The following PPM1L variants were observed in gnomAD, a reference collection of about 807,000 sequenced individuals.
PPM1L encodes the protein protein phosphatase 1L.
In PPM1L, 13 loss-of-function variants were observed where a neutral mutation model predicts 31.4. The ratio of observed to expected loss-of-function variants is 0.41; its 90% CI spans 0.27 to 0.66. PPM1L has a LOEUF of 0.66. PPM1L is among the 30% of genes least tolerant of loss of function. PPM1L has a pLI of 0.29. For synonymous variants in PPM1L, 184 were observed against 175.4 expected, an observed-to-expected ratio of 1.05 and a Z score of -0.39; for missense variants, 326 against 453.7, an observed-to-expected ratio of 0.72 and a Z score of 2.56.
At chr3:160,895,729 C>G (rs1205923646) in intron 1 of PPM1L, among the ~76,000 whole-genome samples, 1 of 151,970 alleles carries the variant, frequency 6.6e-6, no homozygotes, top group African/African-American at 2.4e-5. Context: ...CACCTCAAAC[C>G]CCCAATATCT....
intron 2 of PPM1L, among the ~76,000 whole-genome samples, chr3:161,046,110 C>CAAAAAAAAAAAAAAAAAAAAAAAAAA: frequency 2.0e-5 from 1 of 50,304 alleles, no homozygotes; most frequent in Non-Finnish European, 3.1e-5. Context: ...GACTCTGTCT[C>CAAAAAAAAAAAAAAAAAAAAAAAAAA]AAAAAAAAAA....
At chr3:160,875,014 C>G (rs1030343091) in intron 1 of PPM1L, among the ~76,000 whole-genome samples, 4 of 152,130 alleles carry the variant, frequency 2.6e-5, no homozygotes, top group African/African-American at 9.7e-5. Context: ...AAACTCTGAG[C>G]CCTTCTCCAA....
At chr3:160,953,457 GT>G (rs1481534474) in intron 1 of PPM1L, among the ~76,000 whole-genome samples, 1 of 152,132 alleles carries the variant, frequency 6.6e-6, no homozygotes. Context: ...TCAGAAGCCT[GT>G]TTTTATTTTA....
At position 161,076,337 on chromosome 3, in the gene PPM1L, G is replaced by A. The variant is rs978412305; in HGVS notation, c.*7180G>A. On this transcript the variant is annotated 3_prime_UTR_variant, in exon 4 of 4. Transcript: ENST00000498165. ...AAAAGCTAGAACCATGGGACATTAA[G>A]CAAGAATACTCCTCTGATTTAGGCT... 3 of 152,162 alleles carry A rather than the reference G, an allele frequency of 2.0e-5. No homozygotes were observed. Among genetic ancestry groups the A allele is most frequent in the African/African-American group, 4.8e-5 (2 of 41,432 alleles). 9.4% of individuals were successfully genotyped at this position (152,162 alleles called of 1,614,324 possible).
intron 1 of PPM1L, among the ~76,000 whole-genome samples, chr3:160,771,317 T>G (rs1329899080): frequency 1.3e-5 from 2 of 151,882 alleles, no homozygotes; most frequent in Non-Finnish European, 2.9e-5. Flanking sequence ...AGTGCAGTGG[T>G]GAGATCTCGG....
intron 1 of PPM1L, among the ~76,000 whole-genome samples, chr3:160,759,643 T>C (rs1714915581): frequency 6.6e-6 from 1 of 152,154 alleles, no homozygotes; most frequent in Non-Finnish European, 1.5e-5. Flanking sequence ...GAGATAGACC[T>C]CTACACCAAA....
intron 1 of PPM1L, among the ~76,000 whole-genome samples, chr3:160,878,631 T>C (rs1418664016): frequency 6.6e-6 from 1 of 152,166 alleles, no homozygotes; most frequent in African/African-American, 2.4e-5. Context: ...TAGGGTTTCA[T>C]CATATGAATT....
intron 2 of PPM1L, among the ~76,000 whole-genome samples, chr3:161,048,380 AT>A (rs1719151164): frequency 6.6e-6 from 1 of 152,242 alleles, no homozygotes; most frequent in Non-Finnish European, 1.5e-5. Flanking sequence ...CCACAATGCG[AT>A]ACCATCTCAT....
intron 1 of PPM1L, among the ~76,000 whole-genome samples, chr3:160,807,133 A>T (rs1560112167): frequency 6.6e-6 from 1 of 152,164 alleles, no homozygotes; most frequent in African/African-American, 2.4e-5. Context: ...GGATTATGTA[A>T]AGAAAAGCAA....
intron 1 of PPM1L, among the ~76,000 whole-genome samples, chr3:160,878,314 A>C (rs1415088438): frequency 6.6e-6 from 1 of 152,210 alleles, no homozygotes; most frequent in Non-Finnish European, 1.5e-5. Flanking sequence ...ATGCTAGAAC[A>C]AAAAATCATA....
At chr3:161,035,281 G>C (rs1718712884) in intron 2 of PPM1L, among the ~76,000 whole-genome samples, 1 of 151,826 alleles carries the variant, frequency 6.6e-6, no homozygotes, top group Non-Finnish European at 1.5e-5. Context: ...GAATAGGTAA[G>C]TAACCCAAAC....
Position 160,756,752 on chromosome 3 carries a change from CGTGTGTGTGTGTGTGTGT to C in PPM1L, c.399+66_399+83del, listed in dbSNP as rs113273287. 4,027 of 1,016,786 alleles carry C rather than the reference CGTGTGTGTGTGTGTGTGT, an allele frequency of 4.0e-3. 100 individuals carry two copies. The African/African-American group carries it at 0.065, about 16-fold the overall frequency. The allele number at this position is 1,016,786 out of a possible 1,614,324, so 63.0% of individuals were successfully genotyped here. On this transcript the variant is annotated intron_variant, in intron 1 of 3. Coordinates refer to ENST00000498165, the MANE Select transcript of PPM1L (RefSeq NM_139245.4). This position sits in a 1 kb window ranked among gnomAD's most constrained non-coding sequence, Gnocchi z 6.2. ...TTTGTATTTGTGTCCGTGTATGTCT[CGTGTGTGTGTGTGTGTGT>C]GTGTGTGTGTGTGTGTGTGTATAAA...
At chr3:160,880,223 G>A (rs553948646) in intron 1 of PPM1L, among the ~76,000 whole-genome samples, 2 of 152,034 alleles carry the variant, frequency 1.3e-5, no homozygotes, top group South Asian at 4.1e-4. Context: ...TTACCTTACA[G>A]CATTCACCCC....
chr3:161,038,585 TAAAAAA>T (rs35502476), intron 2 of PPM1L, among the ~76,000 whole-genome samples: 15,435 of 110,552 alleles, frequency 0.14, 1,045 homozygotes, highest in South Asian at 0.3. Flanking sequence ...GGATTTGTTT[TAAAAAA>T]AAAAAAAAAA....
chr3:160,945,128 T>TAA (rs1715365144), intron 1 of PPM1L, among the ~76,000 whole-genome samples: 204 of 64,766 alleles, frequency 3.1e-3, no homozygotes, highest in African/African-American at 6.6e-3. Flanking sequence ...TATCTATCTA[T>TAA]CTATCTATCT....
intron 2 of PPM1L, among the ~76,000 whole-genome samples, chr3:161,060,845 A>G (rs1277902427): frequency 1.3e-5 from 2 of 151,736 alleles, no homozygotes; most frequent in African/African-American, 2.4e-5. Context: ...AATTGTTAAT[A>G]TGGAAATATC....
At chr3:160,908,058 C>G (rs1713822458) in intron 1 of PPM1L, among the ~76,000 whole-genome samples, 1 of 152,176 alleles carries the variant, frequency 6.6e-6, no homozygotes, top group Non-Finnish European at 1.5e-5. Context: ...GAATATTCAG[C>G]AAAGAAAGAA....
chr3:160,994,663 T>C (rs1481002193), intron 2 of PPM1L, among the ~76,000 whole-genome samples: 1 of 152,204 alleles, frequency 6.6e-6, no homozygotes, highest in Non-Finnish European at 1.5e-5. Flanking sequence ...TGTGCAGGCA[T>C]AGTACTAAGT....
chr3:161,024,641 T>C (rs559741182), intron 2 of PPM1L, among the ~76,000 whole-genome samples: 7 of 150,928 alleles, frequency 4.6e-5, no homozygotes, highest in African/African-American at 1.7e-4. Flanking sequence ...AAGGTTGTGG[T>C]CAGCTGAGAT....
Sources: allele counts gnomAD v4.1 joint callset (sites outside exome capture counted in the v4.1 genomes callset), GRCh38; gene constraint gnomAD v4.1.1; non-coding constraint Gnocchi (gnomAD v3.1); transcripts MANE v1.5; gene names NCBI Gene and HGNC (gene_info 2026-07-23, HGNC 2026-07-21).